Variants in RELN observed in about 807,000 individuals in gnomAD.
RELN encodes the protein reelin.
A neutral mutation model predicts 427.6 loss-of-function variants in RELN; 108 were observed. The ratio of observed to expected loss-of-function variants is 0.25; its 90% CI spans 0.22 to 0.30. The LOEUF is 0.30. Among genes scored for constraint, RELN ranks in the 10% least tolerant of loss-of-function variants. The pLI is 1.00. For synonymous variants in RELN, 1,524 were observed against 1,513.4 expected (o/e 1.01, Z -0.16); for missense variants, 3,715 against 4,302.8 (o/e 0.86, Z 3.82).
chr7:103,879,740 C>T (rs1334104975), intron 2 of RELN, among the ~76,000 whole-genome samples: 1 of 152,132 alleles, frequency 6.6e-6, no homozygotes, highest in Non-Finnish European at 1.5e-5. Context: ...TCAGTGTTTT[C>T]TAATGTTTGG....
At chr7:103,805,757 G>T (rs1792583362) in intron 3 of RELN, among the ~76,000 whole-genome samples, 1 of 152,180 alleles carries the variant, frequency 6.6e-6, no homozygotes, top group Non-Finnish European at 1.5e-5. Flanking sequence ...TTAAAATGAA[G>T]TATAAGCCAA....
Position 103,472,798 on chromosome 7 carries a change from A to C in RELN, c.*14T>G. The stretch of plus-strand genomic sequence containing the variant: ...ATCACATGTTGGAAGAAAAAAAATA[A>C]ACTTTTTGATTCTTCATGGGTATCG... On this transcript the variant is annotated 3_prime_UTR_variant, in exon 65 of 65. Transcript: ENST00000428762. The C allele has an allele frequency of 6.3e-7, 1 of 1,597,548 alleles. No individual in the cohort carries two copies. Among genetic ancestry groups the C allele is most frequent in the South Asian group, 1.1e-5 (1 of 90,758 alleles).
chr7:103,596,023 C>T (rs990746241), intron 25 of RELN, among the ~76,000 whole-genome samples: 16 of 152,146 alleles, frequency 1.1e-4, no homozygotes, highest in African/African-American at 3.9e-4. Flanking sequence ...CTTACTCATA[C>T]ACTGTTTAGG....
chr7:103,714,873 C>A (rs1478763623), intron 8 of RELN, among the ~76,000 whole-genome samples: 1 of 152,104 alleles, frequency 6.6e-6, no homozygotes, highest in Non-Finnish European at 1.5e-5. Context: ...AACAGAAATC[C>A]TCTAATTACT....
intron 6 of RELN, among the ~76,000 whole-genome samples, chr7:103,731,000 T>C (rs540992077): frequency 6.6e-6 from 1 of 152,134 alleles, no homozygotes; most frequent in African/African-American, 2.4e-5. Context: ...CACTTGTCTT[T>C]TCTTCTAGGA....
Position 103,510,980 on chromosome 7 carries a change from A to G in RELN, c.8145T>C (p.Asp2715=), listed in dbSNP as rs779834624. Residue 2715 remains aspartate (D), a synonymous_variant, in exon 51 of 65, where the codon GAT becomes GAC. Coordinates refer to ENST00000428762, the MANE Select transcript of RELN (RefSeq NM_005045.4). The part of the protein sequence containing the change: ...TSVNEHWLFH[D]DCTVERFCDS... Reference sequence around the variant, plus strand: ...CACAGAATCTTTCTACTGTACAATCATCATGGAATAGCCAGTGCTCATTCA... The same window carrying G: ...CACAGAATCTTTCTACTGTACAATCGTCATGGAATAGCCAGTGCTCATTCA... 1 of 1,613,846 alleles carries G rather than the reference A, an allele frequency of 6.2e-7. No homozygotes were observed. The highest frequency in any genetic ancestry group is 8.5e-7 in the Non-Finnish European group (1 of 1,179,738).
At chr7:103,796,088 C>T (rs1792291370) in intron 3 of RELN, among the ~76,000 whole-genome samples, 1 of 152,120 alleles carries the variant, frequency 6.6e-6, no homozygotes, top group South Asian at 2.1e-4. Context: ...TGTTTTTAAA[C>T]TCTTTATATA....
At chr7:103,848,494 TC>T (rs1438740616) in intron 2 of RELN, among the ~76,000 whole-genome samples, 2 of 152,018 alleles carry the variant, frequency 1.3e-5, no homozygotes, top group Non-Finnish European at 2.9e-5. Context: ...AACAGCTACT[TC>T]CCCCCGAATC....
rs375228702 is a variant in RELN, at chr7:103,553,773, G to A, written c.5856C>T (p.Asn1952=). The A allele has an allele frequency of 1.1e-5, 17 of 1,613,982 alleles. No individual in the cohort carries two copies. The highest frequency in any genetic ancestry group is 1.3e-5 in the Non-Finnish European group (15 of 1,179,896). The change falls in exon 39 of 65, where the codon AAC becomes AAT. Residue 1952 remains asparagine (N), a synonymous_variant. Coordinates refer to ENST00000428762, the MANE Select transcript of RELN (RefSeq NM_005045.4). The part of the protein sequence containing the change: ...DDFIIDGNNV[N]NPVMLLDTFD... ...ATGTATCCAAGAGCATCACAGGGTT[G>A]TTTACATTATTTCCATCGATAATGA...
chr7:103,571,013 C>T (rs1830871285), intron 31 of RELN, among the ~76,000 whole-genome samples: 1 of 152,122 alleles, frequency 6.6e-6, no homozygotes. Flanking sequence ...TCTATAAAAG[C>T]TTCTATACTG....
At position 103,482,866 on chromosome 7, in the gene RELN, T is replaced by C. The variant is rs764488118; in HGVS notation, c.10280+7A>G. The C allele has an allele frequency of 1.1e-5, 17 of 1,614,080 alleles. No homozygotes were observed. The highest frequency in any genetic ancestry group is 1.4e-5 in the Non-Finnish European group (17 of 1,179,958). Reference sequence around the variant, plus strand: ...TGGACATGGGATGCCATGTAATAGATACTCACAGGACGACCTCCACATGGT... The same window carrying C: ...TGGACATGGGATGCCATGTAATAGACACTCACAGGACGACCTCCACATGGT... On this transcript the variant is annotated splice_region_variant and intron_variant, in intron 63 of 64. Coordinates refer to ENST00000428762, the MANE Select transcript of RELN (RefSeq NM_005045.4).
At position 103,611,768 on chromosome 7, in the gene RELN, C is replaced by T. The variant is rs764757536; in HGVS notation, c.2738G>A (p.Arg913His). Residue 913 changes from arginine (R) to histidine (H), a missense_variant, in exon 21 of 65, where the codon CGC (arginine) becomes CAC (histidine). Transcript: ENST00000428762. ...CTGCATTGATTGTGTTTCCACATAG[C>T]GCATACTTGAGGCAAGTTTAGAATC... is the stretch of plus-strand genomic sequence containing the variant. Reference protein sequence around the residue: ...TGDSKLASSMRYVETQSMQIG... With the variant: ...TGDSKLASSMHYVETQSMQIG... 1.8e-5 allele frequency: 29 copies of T among 1,613,684 alleles called. No individual in the cohort carries two copies. Among genetic ancestry groups the T allele is most frequent in the Non-Finnish European group, 2.4e-5 (28 of 1,179,886 alleles).
intron 4 of RELN, among the ~76,000 whole-genome samples, chr7:103,775,809 G>A (rs1488432606): frequency 6.6e-6 from 1 of 152,170 alleles, no homozygotes; most frequent in African/African-American, 2.4e-5. Flanking sequence ...CTCTATGTCA[G>A]CATCTGGGGA....
At chr7:103,616,333 T>C (rs998219181) in intron 20 of RELN, among the ~76,000 whole-genome samples, 2 of 152,158 alleles carry the variant, frequency 1.3e-5, no homozygotes, top group African/African-American at 4.8e-5. Flanking sequence ...TGTACGCCTC[T>C]CTGATATCAT....
intron 3 of RELN, among the ~76,000 whole-genome samples, chr7:103,801,071 T>TC (rs1465266254): frequency 6.6e-6 from 1 of 152,040 alleles, no homozygotes; most frequent in Non-Finnish European, 1.5e-5. Flanking sequence ...CACTAAAAAG[T>TC]CAGGAAACAA....
In RELN at chr7:103,770,117, C is replaced by G. The variant is rs375746075; in HGVS notation, c.544+6440G>C. 3.7e-4 allele frequency among the ~76,000 whole-genome samples: 56 copies of G among 152,244 alleles called. No homozygotes were observed. In the South Asian group the frequency reaches 0.012, roughly 32 times the overall value. ...TTATTTATTTTTAGACAGAGTCTCA[C>G]TCTATCGCCTAGGCTGGAGTGCAAT... On this transcript the variant is annotated intron_variant, in intron 4 of 64. Transcript: ENST00000428762.
chr7:103,881,213 C>T (rs138800581), intron 2 of RELN, among the ~76,000 whole-genome samples: 1 of 152,254 alleles, frequency 6.6e-6, no homozygotes, highest in African/African-American at 2.4e-5. Flanking sequence ...CCACTGAGCA[C>T]CACTTCTCAT....
chr7:103,473,064 G>C (rs1461985453), intron 64 of RELN, 156 bp from the exon 65 acceptor site: 1 of 745,796 alleles, frequency 1.3e-6, no homozygotes, highest in African/African-American at 1.7e-5. Context: ...TACCACCCAG[G>C]GTCAGAGGAA....
At chr7:103,766,601 G>A (rs1791430216) in intron 4 of RELN, among the ~76,000 whole-genome samples, 1 of 152,168 alleles carries the variant, frequency 6.6e-6, no homozygotes, top group Non-Finnish European at 1.5e-5. Context: ...TTCACATTCT[G>A]GACTTCTTGT....
Sources: allele counts gnomAD v4.1 joint callset (sites outside exome capture counted in the v4.1 genomes callset), GRCh38; gene constraint gnomAD v4.1.1; transcripts MANE v1.5; gene names NCBI Gene and HGNC (gene_info 2026-07-23, HGNC 2026-07-21).